Variants in EXOC6B observed in about 807,000 individuals in gnomAD.
The protein encoded by EXOC6B is SEC15 homolog B.
In EXOC6B, 54 loss-of-function variants were observed where a neutral mutation model predicts 113.5. The ratio of observed to expected loss-of-function variants is 0.48; its 90% CI spans 0.38 to 0.60. The LOEUF is 0.60. EXOC6B is among the 20% of genes least tolerant of loss of function. The pLI is 0.00. For missense variants in EXOC6B, 797 were observed against 977.5 expected (o/e 0.82, Z 2.46); for synonymous variants, 357 against 339.0 (o/e 1.05, Z -0.58).
intron 20 of EXOC6B, among the ~76,000 whole-genome samples, chr2:72,202,718 G>GA (rs1679563645): frequency 6.6e-6 from 1 of 152,194 alleles, no homozygotes; most frequent in African/African-American, 2.4e-5. Flanking sequence ...AGGTGACACT[G>GA]AAAAATCACC....
intron 20 of EXOC6B, among the ~76,000 whole-genome samples, chr2:72,233,138 T>C (rs1681738555): frequency 6.6e-6 from 1 of 151,258 alleles, no homozygotes; most frequent in Non-Finnish European, 1.5e-5. Context: ...AAAAAGCTAC[T>C]ATGAGGACCA....
At chr2:72,683,172 T>G (rs575856871) in intron 6 of EXOC6B, among the ~76,000 whole-genome samples, 36 of 152,314 alleles carry the variant, frequency 2.4e-4, no homozygotes, top group African/African-American at 8.4e-4. Flanking sequence ...GCTTTTACCA[T>G]CTGAATCAGT....
intron 6 of EXOC6B, among the ~76,000 whole-genome samples, chr2:72,659,818 T>A (rs1674873382): frequency 6.6e-6 from 1 of 152,178 alleles, no homozygotes; most frequent in Non-Finnish European, 1.5e-5. Context: ...AGTATAGTAT[T>A]TCACTACCAC....
At chr2:72,778,598 G>A (rs1683846914) in intron 1 of EXOC6B, among the ~76,000 whole-genome samples, 2 of 152,154 alleles carry the variant, frequency 1.3e-5, no homozygotes, top group Admixed American at 1.3e-4. Context: ...GGAGGCCCTG[G>A]TTAATGTTTA....
chr2:72,187,165 T>C (rs1283760005), intron 20 of EXOC6B, among the ~76,000 whole-genome samples: 1 of 152,054 alleles, frequency 6.6e-6, no homozygotes, highest in Non-Finnish European at 1.5e-5. Context: ...CTTTCCTGGA[T>C]GGCACCAGGG....
At chr2:72,411,016 C>T (rs533157696) in intron 18 of EXOC6B, among the ~76,000 whole-genome samples, 2 of 152,264 alleles carry the variant, frequency 1.3e-5, no homozygotes, top group African/African-American at 4.8e-5. Context: ...CAAGACCAGC[C>T]TGAGCAACAT....
At chr2:72,385,629 C>T (rs886907053) in intron 18 of EXOC6B, among the ~76,000 whole-genome samples, 1 of 151,996 alleles carries the variant, frequency 6.6e-6, no homozygotes, top group African/African-American at 2.4e-5. Context: ...AAGGAGTTAA[C>T]ATCCAAACTA....
Position 72,490,270 on chromosome 2 carries a change from G to A in EXOC6B, c.1665+2048C>T, listed in dbSNP as rs560811074. ...CTCATTTCTACCATGTTTGCTAGCTGTATGACCTCAAGCAATCTCCCTGGA... is the reference window on the plus strand; with the variant it reads ...CTCATTTCTACCATGTTTGCTAGCTATATGACCTCAAGCAATCTCCCTGGA... On this transcript the variant is annotated intron_variant, in intron 16 of 21. Coordinates refer to ENST00000272427, the MANE Select transcript of EXOC6B (RefSeq NM_015189.3). Among the ~76,000 whole-genome samples the A allele has an allele frequency of 5.9e-5, 9 of 152,218 alleles. No individual in the cohort carries two copies. In the South Asian group the frequency reaches 1.2e-3, roughly 21 times the overall value.
chr2:72,227,874 G>A (rs963196566), intron 20 of EXOC6B, among the ~76,000 whole-genome samples: 1 of 152,154 alleles, frequency 6.6e-6, no homozygotes, highest in Admixed American at 6.5e-5. Context: ...AACTAAGGAG[G>A]TGATAGCTTT....
At chr2:72,365,200 C>CT (rs1690545710) in intron 19 of EXOC6B, among the ~76,000 whole-genome samples, 1 of 149,176 alleles carries the variant, frequency 6.7e-6, no homozygotes, top group African/African-American at 2.5e-5. Context: ...CTGTACTTTT[C>CT]TTTTTTCCCC....
intron 8 of EXOC6B, among the ~76,000 whole-genome samples, chr2:72,541,595 GT>G (rs1702606029): frequency 6.6e-6 from 1 of 152,108 alleles, no homozygotes; most frequent in South Asian, 2.1e-4. Context: ...AAATGTACAG[GT>G]TTTCTTGCTT....
chr2:72,247,499 C>T (rs889543800), intron 20 of EXOC6B, among the ~76,000 whole-genome samples: 2 of 152,204 alleles, frequency 1.3e-5, no homozygotes, highest in African/African-American at 2.4e-5. Context: ...AGTTTCTAAT[C>T]TCCCTGTAGC....
intron 8 of EXOC6B, chr2:72,515,886 A>G (rs1241626473): frequency 1.5e-5 from 4 of 258,858 alleles, no homozygotes; most frequent in Non-Finnish European, 2.4e-5. Context: ...TTAATAGAGT[A>G]TGTCTGGTGT....
chr2:72,655,469 T>C (rs1674509215), intron 6 of EXOC6B, among the ~76,000 whole-genome samples: 1 of 151,948 alleles, frequency 6.6e-6, no homozygotes, highest in Admixed American at 6.6e-5. Context: ...GATTTCTATA[T>C]TTAAGAAAGT....
intron 19 of EXOC6B, among the ~76,000 whole-genome samples, chr2:72,374,758 C>T (rs971946695): frequency 6.7e-6 from 1 of 150,274 alleles, no homozygotes; most frequent in African/African-American, 2.5e-5. Flanking sequence ...GTGATTATTA[C>T]ACATTGCATG....
chr2:72,721,088 G>A (rs1679970957), intron 5 of EXOC6B, among the ~76,000 whole-genome samples: 1 of 152,006 alleles, frequency 6.6e-6, no homozygotes, highest in Admixed American at 6.6e-5. Flanking sequence ...CAGCACTTTG[G>A]GAGTCTGAGG....
At chr2:72,287,611 G>A (rs1023099724) in intron 20 of EXOC6B, among the ~76,000 whole-genome samples, 1 of 151,708 alleles carries the variant, frequency 6.6e-6, no homozygotes, top group African/African-American at 2.4e-5. Context: ...AATGAAAAAG[G>A]GTATATAACT....
At chr2:72,374,399 T>G (rs1446890430) in intron 19 of EXOC6B, among the ~76,000 whole-genome samples, 3 of 152,194 alleles carry the variant, frequency 2.0e-5, no homozygotes. Flanking sequence ...GATCCTGTTA[T>G]TTTAATGAGC....
intron 18 of EXOC6B, among the ~76,000 whole-genome samples, chr2:72,393,539 T>C (rs1692523433): frequency 6.6e-6 from 1 of 152,180 alleles, no homozygotes; most frequent in Non-Finnish European, 1.5e-5. Flanking sequence ...CTCCAGGTTT[T>C]TATGGTTGTT....
Sources: gnomAD v4.1 joint callset for allele counts (sites outside exome capture counted in the v4.1 genomes callset) on GRCh38, gnomAD v4.1.1 for gene constraint, MANE v1.5 for transcripts, NCBI Gene and HGNC (gene_info 2026-07-23, HGNC 2026-07-21) for gene names.